Variants in DOK6 observed in about 807,000 individuals in gnomAD.
The protein encoded by DOK6 is docking protein 6, also known as downstream of tyrosine kinase 6.
In DOK6, 22 loss-of-function variants were observed where a neutral mutation model predicts 44.0. That is an observed-to-expected ratio of 0.50 (90% CI 0.36 to 0.71). The LOEUF is 0.71. Among genes scored for constraint, DOK6 ranks in the 30% least tolerant of loss-of-function variants. The probability of loss-of-function intolerance (pLI) is 0.00; values close to 1 mark genes in which losing one functional copy is unlikely to be tolerated. For synonymous variants in DOK6, 166 were observed against 145.5 expected (o/e 1.14, Z -1.01); for missense variants, 340 against 416.4 (o/e 0.82, Z 1.60).
chr18:69,793,785 A>G (rs2145099681), intron 7 of DOK6, among the ~76,000 whole-genome samples: 1 of 152,282 alleles, frequency 6.6e-6, no homozygotes, highest in East Asian at 1.9e-4. Context: ...TTGCACATCT[A>G]GAGAGAAAGA....
chr18:69,571,355 T>C (rs1478591410), intron 2 of DOK6, among the ~76,000 whole-genome samples: 1 of 151,520 alleles, frequency 6.6e-6, no homozygotes, highest in Admixed American at 6.6e-5. Flanking sequence ...ATATGAAAAA[T>C]GTAAACAAAG....
At chr18:69,668,364 CT>C (rs1985711482) in intron 3 of DOK6, among the ~76,000 whole-genome samples, 1 of 152,034 alleles carries the variant, frequency 6.6e-6, no homozygotes, top group Admixed American at 6.6e-5. Flanking sequence ...ATACCTTGTA[CT>C]TTAAAAAAAC....
intron 1 of DOK6, among the ~76,000 whole-genome samples, chr18:69,472,965 A>T (rs1980157894): frequency 1.3e-5 from 2 of 152,254 alleles, no homozygotes; most frequent in South Asian, 4.1e-4. Flanking sequence ...CTCTTCAAAG[A>T]CAGTTGCTGG....
chr18:69,602,526 G>A (rs7236970), intron 3 of DOK6, among the ~76,000 whole-genome samples: 4,959 of 152,226 alleles, frequency 0.033, 273 homozygotes, highest in African/African-American at 0.11. Flanking sequence ...GAAACCAAAA[G>A]AGGACAATAA....
At chr18:69,448,131 T>A (rs974075759) in intron 1 of DOK6, among the ~76,000 whole-genome samples, 1 of 152,172 alleles carries the variant, frequency 6.6e-6, no homozygotes, top group Non-Finnish European at 1.5e-5. Flanking sequence ...AAGTGGGAGA[T>A]GGTAGGCAGA....
intron 1 of DOK6, among the ~76,000 whole-genome samples, chr18:69,503,212 G>A (rs1981093176): frequency 6.6e-6 from 1 of 152,088 alleles, no homozygotes; most frequent in South Asian, 2.1e-4. Context: ...TAAAAATATA[G>A]TTATGGGAAT....
intron 1 of DOK6, among the ~76,000 whole-genome samples, chr18:69,437,620 T>C (rs1979019634): frequency 6.6e-6 from 1 of 152,214 alleles, no homozygotes; most frequent in Admixed American, 6.5e-5. Context: ...TCCAGCTTTG[T>C]TCTTTTTGCT....
chr18:69,514,797 C>A (rs982420230), intron 1 of DOK6, among the ~76,000 whole-genome samples: 1 of 150,858 alleles, frequency 6.6e-6, no homozygotes, highest in Admixed American at 6.6e-5. Context: ...CATGCTACCT[C>A]CTACTTTGTA....
At chr18:69,564,157 A>T (rs1042020228) in intron 1 of DOK6, among the ~76,000 whole-genome samples, 1 of 152,146 alleles carries the variant, frequency 6.6e-6, no homozygotes, top group Non-Finnish European at 1.5e-5. Context: ...TTAACCTGCC[A>T]CTGCACTAGC....
At chr18:69,419,942 CAATT>C (rs1249833627) in intron 1 of DOK6, among the ~76,000 whole-genome samples, 2 of 152,148 alleles carry the variant, frequency 1.3e-5, no homozygotes, top group African/African-American at 4.8e-5. Context: ...TCAGCAATAT[CAATT>C]GATTGCAATG....
chr18:69,695,128 T>C (rs948274611), intron 4 of DOK6, among the ~76,000 whole-genome samples: 2 of 152,252 alleles, frequency 1.3e-5, no homozygotes, highest in Non-Finnish European at 1.5e-5. Context: ...ATACTGCTAC[T>C]TCCCTGGCAA....
intron 7 of DOK6, among the ~76,000 whole-genome samples, chr18:69,775,894 G>GA (rs1462765628): frequency 3.3e-5 from 5 of 151,630 alleles, no homozygotes; most frequent in East Asian, 3.9e-4. Flanking sequence ...GTTATCATTA[G>GA]AAAAAAATGA....
At chr18:69,599,238 CT>C in intron 2 of DOK6, 145 bp from the exon 3 acceptor site, 1 of 603,738 alleles carries the variant, frequency 1.7e-6, no homozygotes, top group South Asian at 2.4e-5. Flanking sequence ...TTTTTCTTTA[CT>C]GTTTTTGGCT....
At chr18:69,832,540 T>C (rs948952562) in intron 7 of DOK6, 3 of 152,152 alleles carry the variant, frequency 2.0e-5, no homozygotes, top group African/African-American at 4.8e-5. Flanking sequence ...ACTTGCCTCA[T>C]AGAGTAGGTT....
At chr18:69,653,320 A>G (rs199515331) in intron 3 of DOK6, among the ~76,000 whole-genome samples, 3 of 150,886 alleles carry the variant, frequency 2.0e-5, no homozygotes, top group Admixed American at 6.6e-5. Flanking sequence ...AAAAAAAAAA[A>G]AAGAAGAAGA....
chr18:69,839,829 G>A (rs1013022686), intron 7 of DOK6, among the ~76,000 whole-genome samples: 4 of 152,226 alleles, frequency 2.6e-5, no homozygotes, highest in East Asian at 1.9e-4. Context: ...CAGGAGGTGC[G>A]AGGGAAAAGC....
intron 1 of DOK6, among the ~76,000 whole-genome samples, chr18:69,496,929 T>C (rs908013620): frequency 2.6e-5 from 4 of 152,226 alleles, no homozygotes; most frequent in Non-Finnish European, 4.4e-5. Flanking sequence ...AGGAATGATA[T>C]GTTTAGTAGC....
chr18:69,565,862 C>A (rs1766580647), intron 2 of DOK6, among the ~76,000 whole-genome samples: 2 of 152,076 alleles, frequency 1.3e-5, no homozygotes, highest in African/African-American at 4.8e-5. Context: ...TCATTATATG[C>A]AATTATTTGA....
In DOK6 at chr18:69,757,739, A is replaced by G; in HGVS notation, c.739-17A>G. On this transcript the variant is annotated splice_polypyrimidine_tract_variant and intron_variant, in intron 6 of 7. Coordinates refer to ENST00000382713, the MANE Select transcript of DOK6 (RefSeq NM_152721.6). ...TATTTTAAAACGAGGCCTAAAACAC[A>G]TTCTTTTCTCTTTTAGCTTCAGACA... 2 of 1,608,812 alleles carry G rather than the reference A, an allele frequency of 1.2e-6. No individual in the cohort carries two copies. The highest frequency in any genetic ancestry group is 1.7e-6 in the Non-Finnish European group (2 of 1,175,258).
Sources: gnomAD v4.1 joint callset for allele counts (sites outside exome capture counted in the v4.1 genomes callset) on GRCh38, gnomAD v4.1.1 for gene constraint, MANE v1.5 for transcripts, NCBI Gene and HGNC (gene_info 2026-07-23, HGNC 2026-07-21) for gene names.